The following OR2L13 variants were observed in gnomAD, a reference collection of about 807,000 sequenced individuals.
OR2L13 encodes olfactory receptor family 2 subfamily L member 13.
In OR2L13, 14 loss-of-function variants were observed where a neutral mutation model predicts 15.3. The observed-to-expected ratio is 0.91, with a 90% confidence interval of 0.60 to 1.43. OR2L13 has a LOEUF of 1.43. Ranked by LOEUF, OR2L13 falls within the 40% of genes most tolerant of loss-of-function variation. The probability of loss-of-function intolerance (pLI) is 0.00; values close to 1 mark genes in which losing one functional copy is unlikely to be tolerated. For synonymous variants in OR2L13, 152 were observed against 142.9 expected (o/e 1.06, Z -0.45); for missense variants, 367 against 387.9 (o/e 0.95, Z 0.45).
the OR2L13 span, among the ~76,000 whole-genome samples, chr1:248,004,768 T>G: frequency 4.6e-5 from 7 of 152,180 alleles, no homozygotes; most frequent in African/African-American, 1.7e-4. Flanking sequence ...TTGAGTTGAT[T>G]TTGGTATGGT....
the OR2L13 span, among the ~76,000 whole-genome samples, chr1:247,993,791 GAGAGAGAGAGAGAGAGAGAGAAAGAA>G: frequency 1.5e-5 from 2 of 135,860 alleles, no homozygotes; most frequent in African/African-American, 3.7e-5. Flanking sequence ...GAGAGAGAGA[GAGAGAGAGAGAGAGAGAGAGAAAGAA>G]AGAGAAAGAA....
At chr1:248,087,969 T>C in the OR2L13 span, among the ~76,000 whole-genome samples, 1 of 152,222 alleles carries the variant, frequency 6.6e-6, no homozygotes. Context: ...TAATAGATTT[T>C]ATTTATTCAA....
chr1:247,983,672 A>G, the OR2L13 span, among the ~76,000 whole-genome samples: 1 of 152,192 alleles, frequency 6.6e-6, no homozygotes, highest in African/African-American at 2.4e-5. Flanking sequence ...ATGTAATATG[A>G]TAGAATTAGA....
the OR2L13 span, chr1:248,003,174 G>A: frequency 3.5e-6 from 5 of 1,444,072 alleles, no homozygotes; most frequent in South Asian, 2.3e-5. Context: ...ATCTTACTGG[G>A]GCTGTTCCCA....
At chr1:248,009,778 GCAAACCAAATC>G in the OR2L13 span, among the ~76,000 whole-genome samples, 2 of 152,200 alleles carry the variant, frequency 1.3e-5, no homozygotes, top group African/African-American at 4.8e-5. Flanking sequence ...TAAAATACTG[GCAAACCAAATC>G]CAACAGCATA....
the OR2L13 span, among the ~76,000 whole-genome samples, chr1:247,940,245 C>A: frequency 6.6e-6 from 1 of 152,070 alleles, no homozygotes; most frequent in South Asian, 2.1e-4. Flanking sequence ...TGTCTTATTT[C>A]ATGTATACAT....
the OR2L13 span, among the ~76,000 whole-genome samples, chr1:248,086,261 G>T: frequency 6.6e-6 from 1 of 152,098 alleles, no homozygotes; most frequent in Non-Finnish European, 1.5e-5. Flanking sequence ...AAAATTCTTA[G>T]ACTTTCTAAA....
the OR2L13 span, among the ~76,000 whole-genome samples, chr1:247,959,780 G>C: frequency 6.6e-6 from 1 of 152,174 alleles, no homozygotes; most frequent in South Asian, 2.1e-4. Context: ...TTGTGCCTTG[G>C]TTTTCAGCTC....
chr1:247,959,605 C>T, the OR2L13 span, among the ~76,000 whole-genome samples: 1 of 151,992 alleles, frequency 6.6e-6, no homozygotes, highest in Non-Finnish European at 1.5e-5. Context: ...TTGGTCTTTT[C>T]ACATAGTCCC....
the OR2L13 span, among the ~76,000 whole-genome samples, chr1:247,976,446 A>G: frequency 6.6e-6 from 1 of 151,834 alleles, no homozygotes; most frequent in African/African-American, 2.4e-5. Context: ...CATTATTTCC[A>G]TAAAACTTAT....
At chr1:248,023,339 T>G in the OR2L13 span, 2 of 152,490 alleles carry the variant, frequency 1.3e-5, no homozygotes, top group African/African-American at 4.8e-5. Flanking sequence ...AAGTAATGAT[T>G]TATTAATAAA....
the OR2L13 span, chr1:248,060,770 T>C: frequency 1.9e-6 from 3 of 1,614,156 alleles, no homozygotes; most frequent in East Asian, 4.5e-5. Context: ...TTCATCCTCA[T>C]TGTTTTCATT....
the OR2L13 span, among the ~76,000 whole-genome samples, chr1:247,952,850 C>T: frequency 6.6e-6 from 1 of 152,048 alleles, no homozygotes; most frequent in African/African-American, 2.4e-5. Flanking sequence ...CATACCATGG[C>T]CTTGGGGAAA....
At chr1:247,956,168 C>T in the OR2L13 span, among the ~76,000 whole-genome samples, 44 of 151,028 alleles carry the variant, frequency 2.9e-4, no homozygotes, top group Non-Finnish European at 5.9e-4. Context: ...ATATGGCTAG[C>T]CAGTTTTCCC....
At chr1:247,990,886 G>A in the OR2L13 span, 1 of 1,496,006 alleles carries the variant, frequency 6.7e-7, no homozygotes, top group Non-Finnish European at 9.3e-7. Context: ...CATTTTTCTT[G>A]TGTTTCCCTT....
At chr1:248,021,027 G>T in the OR2L13 span, among the ~76,000 whole-genome samples, 1 of 151,726 alleles carries the variant, frequency 6.6e-6, no homozygotes, top group Non-Finnish European at 1.5e-5. Context: ...AATAAATGTA[G>T]AAAAAAATCA....
the OR2L13 span, chr1:248,061,742 A>G: frequency 1.5e-4 from 141 of 918,874 alleles, 1 homozygote; most frequent in Middle Eastern, 6.5e-4. Flanking sequence ...AAGAGAAAAA[A>G]ATCACTGATT....
the OR2L13 span, among the ~76,000 whole-genome samples, chr1:248,001,875 A>G: frequency 6.6e-6 from 1 of 152,168 alleles, no homozygotes; most frequent in Non-Finnish European, 1.5e-5. Flanking sequence ...TAAAATTAGG[A>G]TAATGTAAAC....
chr1:248,099,718 A>G, exon 3 of OR2L13: 1 of 1,613,530 alleles, frequency 6.2e-7, no homozygotes, highest in Non-Finnish European at 8.5e-7. Context: ...CTTACTCCTG[A>G]CCTCCATGGC....
Sources: allele counts gnomAD v4.1 joint callset (sites outside exome capture counted in the v4.1 genomes callset), GRCh38; gene constraint gnomAD v4.1.1; transcripts MANE v1.5; gene names NCBI Gene and HGNC (gene_info 2026-07-23, HGNC 2026-07-21).